The following ULK4 variants were observed in gnomAD, a reference collection of about 807,000 sequenced individuals.
The protein encoded by ULK4 is inactive serine/threonine-protein kinase ULK4.
ULK4 carries 133 observed loss-of-function variants against 160.6 expected under a neutral mutation model. The ratio of observed to expected loss-of-function variants is 0.83; its 90% CI spans 0.72 to 0.96. The LOEUF is 0.96. Ranked by LOEUF, ULK4 falls within the 40% of genes least tolerant of loss-of-function variation. ULK4 has a pLI of 0.00. For missense variants in ULK4, 1,580 were observed against 1,499.5 expected (o/e 1.05, Z -0.89); for synonymous variants, 534 against 539.8 (o/e 0.99, Z 0.15).
chr3:41,455,652 A>G, intron 33 of ULK4, 57 bp from the exon 34 acceptor site: 1 of 1,548,542 alleles, frequency 6.5e-7, no homozygotes, highest in Non-Finnish European at 8.9e-7. Context: ...AGCTTGGCCA[A>G]AGGAAACAGG....
chr3:41,558,155 G>A (rs902949013), intron 32 of ULK4, among the ~76,000 whole-genome samples: 2 of 152,228 alleles, frequency 1.3e-5, no homozygotes, highest in East Asian at 3.9e-4. Context: ...AAGGATACAT[G>A]TATAAAACTA....
At chr3:41,914,810 G>A (rs1257691591) in intron 8 of ULK4, 1 of 152,184 alleles carries the variant, frequency 6.6e-6, no homozygotes, top group Non-Finnish European at 1.5e-5. Flanking sequence ...TTGAGGCCAG[G>A]AGCTCGAGAC....
At chr3:41,598,456 T>A (rs1413423313) in intron 31 of ULK4, among the ~76,000 whole-genome samples, 1 of 152,172 alleles carries the variant, frequency 6.6e-6, no homozygotes, top group South Asian at 2.1e-4. Flanking sequence ...GAGTAATATA[T>A]TTCAAAGGGA....
chr3:41,672,142 A>G (rs1197642467), intron 29 of ULK4, among the ~76,000 whole-genome samples: 1 of 152,160 alleles, frequency 6.6e-6, no homozygotes, highest in African/African-American at 2.4e-5. Context: ...CATAGCCATT[A>G]TGATAAACAG....
intron 22 of ULK4, among the ~76,000 whole-genome samples, chr3:41,745,554 G>C (rs1386246455): frequency 6.6e-6 from 1 of 151,572 alleles, no homozygotes; most frequent in Non-Finnish European, 1.5e-5. Context: ...ATTCACTAGA[G>C]AATTCTACAA....
At chr3:41,272,263 T>C (rs1218578879) in intron 35 of ULK4, among the ~76,000 whole-genome samples, 1 of 152,128 alleles carries the variant, frequency 6.6e-6, no homozygotes, top group East Asian at 1.9e-4. Flanking sequence ...AAGGGCTTCC[T>C]GTAGTACCAG....
chr3:41,323,919 G>T (rs559738118), intron 35 of ULK4, among the ~76,000 whole-genome samples: 4 of 152,120 alleles, frequency 2.6e-5, no homozygotes, highest in Non-Finnish European at 1.5e-5. Flanking sequence ...TACTTCCCTG[G>T]GTTCATAAAC....
At chr3:41,878,371 A>C (rs1328971656) in intron 17 of ULK4, among the ~76,000 whole-genome samples, 1 of 152,216 alleles carries the variant, frequency 6.6e-6, no homozygotes, top group African/African-American at 2.4e-5. Flanking sequence ...GACGATATAC[A>C]TATACATATA....
chr3:41,449,738 A>C (rs1402493510), intron 34 of ULK4, among the ~76,000 whole-genome samples: 1 of 152,030 alleles, frequency 6.6e-6, no homozygotes, highest in Non-Finnish European at 1.5e-5. Flanking sequence ...AATGGAAAAC[A>C]GAAATGAACT....
intron 36 of ULK4, among the ~76,000 whole-genome samples, chr3:41,248,318 A>G (rs1403051780): frequency 6.6e-6 from 1 of 151,740 alleles, no homozygotes; most frequent in East Asian, 1.9e-4. Context: ...CAGGAGGCCT[A>G]TAGGCCAGTC....
chr3:41,331,404 T>C (rs575452424), intron 35 of ULK4, among the ~76,000 whole-genome samples: 74 of 152,352 alleles, frequency 4.9e-4, no homozygotes, highest in Admixed American at 2.3e-3. Flanking sequence ...TAATAATGTG[T>C]GCAATTACAG....
At chr3:41,403,588 T>A (rs1007066607) in intron 34 of ULK4, among the ~76,000 whole-genome samples, 13 of 152,088 alleles carry the variant, frequency 8.5e-5, no homozygotes, top group Non-Finnish European at 1.8e-4. Context: ...TTCAAATTCA[T>A]TGATTTCTGG....
At chr3:41,311,877 C>CAT (rs143621818) in intron 35 of ULK4, among the ~76,000 whole-genome samples, 62,923 of 146,370 alleles carry the variant, frequency 0.43, 13,698 homozygotes, top group African/African-American at 0.51. Context: ...AAACTCTCCT[C>CAT]ATATATATAT....
intron 34 of ULK4, among the ~76,000 whole-genome samples, chr3:41,429,888 A>G (rs555898791): frequency 6.6e-6 from 1 of 152,328 alleles, no homozygotes; most frequent in Non-Finnish European, 1.5e-5. Flanking sequence ...CATCCTGCAC[A>G]TGTATCCCAG....
At chr3:41,509,296 T>C (rs2085493605) in intron 32 of ULK4, among the ~76,000 whole-genome samples, 1 of 152,078 alleles carries the variant, frequency 6.6e-6, no homozygotes, top group Non-Finnish European at 1.5e-5. Flanking sequence ...TTTTAAAAAA[T>C]GAACAAAGCC....
chr3:41,641,948 T>A (rs1030806151), intron 30 of ULK4, among the ~76,000 whole-genome samples: 1 of 150,652 alleles, frequency 6.6e-6, no homozygotes, highest in Admixed American at 6.7e-5. Context: ...TGATCTCGGC[T>A]CACTGCAACC....
intron 16 of ULK4, among the ~76,000 whole-genome samples, chr3:41,888,151 AAAAG>A (rs1697795643): frequency 2.1e-5 from 3 of 143,754 alleles, no homozygotes; most frequent in African/African-American, 6.0e-5. Flanking sequence ...GAAAAGAAAC[AAAAG>A]AAAGAATAAA....
chr3:41,819,423 C>A lies in ULK4; in HGVS notation c.1848G>T (p.Gly616=). Residue 616 remains glycine (G), a splice_region_variant and synonymous_variant, in exon 19 of 37, where the codon GGG becomes GGT. Coordinates refer to ENST00000301831, the MANE Select transcript of ULK4 (RefSeq NM_017886.4). ...YTVLMRCLRE[G]EERVVNHMAA... is the part of the protein sequence containing the mutation. ...ACAGAGGACAACAAAGGAGCCTTACCCCTTCCCGAAGGCACCTCATTAGCA... is the reference window on the plus strand; with the variant it reads ...ACAGAGGACAACAAAGGAGCCTTACACCTTCCCGAAGGCACCTCATTAGCA... 1 of 1,613,538 alleles carries A rather than the reference C, an allele frequency of 6.2e-7. No homozygotes were observed. The highest frequency in any genetic ancestry group is 8.5e-7 in the Non-Finnish European group (1 of 1,179,726).
At chr3:41,524,079 C>A (rs2086025855) in intron 32 of ULK4, among the ~76,000 whole-genome samples, 1 of 152,166 alleles carries the variant, frequency 6.6e-6, no homozygotes, top group South Asian at 2.1e-4. Flanking sequence ...ATATGCAAAT[C>A]TATAACGACA....
Sources: gnomAD v4.1 joint callset for allele counts (sites outside exome capture counted in the v4.1 genomes callset) on GRCh38, gnomAD v4.1.1 for gene constraint, MANE v1.5 for transcripts, NCBI Gene and HGNC (gene_info 2026-07-23, HGNC 2026-07-21) for gene names.